Variants in PSG9 observed in about 807,000 individuals in gnomAD.
PSG9 encodes the protein pregnancy-specific beta-1-glycoprotein 9.
Under a neutral mutation model 41.9 loss-of-function variants are expected in PSG9, and 49 were observed. That is an observed-to-expected ratio of 1.17 (90% confidence interval 0.93 to 1.48). The LOEUF (loss-of-function observed/expected upper bound fraction) is 1.48. Ranked by LOEUF, PSG9 falls within the 40% of genes most tolerant of loss-of-function variation. The pLI is 0.00. For synonymous variants in PSG9, 263 were observed against 196.8 expected (o/e 1.34, Z -2.82); for missense variants, 641 against 520.3 (o/e 1.23, Z -2.26).
At chr19:43,266,544 G>A (rs561797636) in intron 2 of PSG9, among the ~76,000 whole-genome samples, 1 of 152,166 alleles carries the variant, frequency 6.6e-6, no homozygotes, top group South Asian at 2.1e-4. Context: ...GGGAAACACA[G>A]GATTTCACGT....
In PSG9 at chr19:43,267,966, A is replaced by C. The variant is rs1410711988; in HGVS notation, c.248T>G (p.Ile83Arg). ...TDLYHYIISYIVDGKIIIYGP... is the reference protein window; with the variant it reads ...TDLYHYIISYRVDGKIIIYGP... ...ATATATAATTATTTTACCATCAACTATATACGATATAATGTAATGGTAGAG... is the reference window on the plus strand; with the variant it reads ...ATATATAATTATTTTACCATCAACTCTATACGATATAATGTAATGGTAGAG... The change falls in exon 2 of 6, where the codon ATA becomes AGA. Residue 83 changes from isoleucine (I) to arginine (R), a missense_variant. Ile to Arg is a moderately conservative substitution (Grantham distance 97, BLOSUM62 -3). Coordinates refer to ENST00000270077, the MANE Select transcript of PSG9 (RefSeq NM_002784.5). The C allele has an allele frequency of 1.2e-6, 2 of 1,613,472 alleles. No individual in the cohort carries two copies. The highest frequency in any genetic ancestry group is 1.7e-6 in the Non-Finnish European group (2 of 1,179,674).
intron 5 of PSG9, 82 bp from the exon 6 acceptor site, chr19:43,253,728 A>G: frequency 2.3e-6 from 2 of 853,684 alleles, no homozygotes; most frequent in Non-Finnish European, 3.6e-6. Flanking sequence ...ACAGGCTCCC[A>G]GGAAGGGTGT....
chr19:43,262,482 G>A (rs1391065344), intron 2 of PSG9, among the ~76,000 whole-genome samples: 1 of 152,176 alleles, frequency 6.6e-6, no homozygotes, highest in Admixed American at 6.5e-5. Context: ...CTCACTTGGA[G>A]CATGCAGTGC....
chr19:43,265,257 A>G (rs977000816), intron 2 of PSG9, among the ~76,000 whole-genome samples: 2 of 152,182 alleles, frequency 1.3e-5, no homozygotes, highest in East Asian at 3.8e-4. Flanking sequence ...GAATTCTGCT[A>G]AAATGTTGTC....
Position 43,262,082 on chromosome 19 carries a change from C to G in PSG9, c.487G>C (p.Glu163Gln). The change falls in exon 3 of 6, where the codon GAG becomes CAG. Residue 163 changes from glutamate to glutamine, a missense_variant. Coordinates refer to ENST00000270077, the MANE Select transcript of PSG9 (RefSeq NM_002784.5). ...GGATCACAGATTAAGCGCACAGCCT[C>G]CATGGCCTCCCTGGGGTTTAAGTTG... ...SSNLNPREAMEAVRLICDPET... is the reference protein window; with the variant it reads ...SSNLNPREAMQAVRLICDPET... 1.9e-6 allele frequency: 3 copies of G among 1,613,990 alleles called. No individual in the cohort carries two copies. Among genetic ancestry groups the G allele is most frequent in the Non-Finnish European group, 2.5e-6 (3 of 1,179,902 alleles).
Position 43,267,943 on chromosome 19 carries a change from A to G in PSG9, c.271T>C (p.Tyr91His), listed in dbSNP as rs1353409201. 2 of 1,613,526 alleles carry G rather than the reference A, an allele frequency of 1.2e-6. No homozygotes were observed. Among genetic ancestry groups the G allele is most frequent in the Admixed American group, 1.7e-5 (1 of 59,978 alleles). The change falls in exon 2 of 6, where the codon TAT (tyrosine) becomes CAT (histidine). Residue 91 changes from tyrosine to histidine, a missense_variant. By Grantham distance (83) the Tyr-to-His change is moderately conservative (BLOSUM62 2). Transcript: ENST00000270077. ...TCTCTTCCACTGTATGCAGGCCCAT[A>G]TATAATTATTTTACCATCAACTATA... is the stretch of plus-strand genomic sequence containing the variant. ...SYIVDGKIII[Y>H]GPAYSGRETV...
At position 43,258,365 on chromosome 19, in the gene PSG9, T is replaced by C. The variant is rs1431181915; in HGVS notation, c.1080A>G (p.Pro360=). 4 of 1,592,740 alleles carry C rather than the reference T, an allele frequency of 2.5e-6. No homozygotes were observed. Among genetic ancestry groups the C allele is most frequent in the African/African-American group, 1.4e-5 (1 of 70,828 alleles). The part of the protein sequence containing the change: ...LDLSCFTESN[P]PAEYFWTING... ...TAATTGTCCAAAAATACTCTGCCGG[T>C]GGGTTAGATTCCGTGAAGCAGGACA... The change falls in exon 5 of 6, where the codon CCA becomes CCG. Residue 360 remains proline, a synonymous_variant. Transcript: ENST00000270077.
At chr19:43,268,887 A>G (rs541137701) in intron 1 of PSG9, among the ~76,000 whole-genome samples, 1 of 152,222 alleles carries the variant, frequency 6.6e-6, no homozygotes, top group African/African-American at 2.4e-5. Context: ...AGGAAAACAG[A>G]ACACTTAAGA....
At chr19:43,269,274 C>A in intron 1 of PSG9, 94 bp downstream of exon 1, 2 of 1,595,352 alleles carry the variant, frequency 1.3e-6, no homozygotes, top group Non-Finnish European at 1.7e-6. Flanking sequence ...TAAGAGCTGG[C>A]TTCTTTTATT....
chr19:43,262,828 C>A (rs544576035), intron 2 of PSG9, among the ~76,000 whole-genome samples: 24 of 152,244 alleles, frequency 1.6e-4, no homozygotes, highest in African/African-American at 5.5e-4. Context: ...AGTGAAGGGG[C>A]CAGGCAGTAG....
chr19:43,258,443 G>A lies in PSG9; in HGVS notation c.1002C>T (p.Leu334=). Reference sequence around the variant, plus strand: ...AGGTGAATGAAGGGTAAATTCTGGGGAGGTCTGGACCATCTGGAGGAAAGA... The same window carrying A: ...AGGTGAATGAAGGGTAAATTCTGGGAAGGTCTGGACCATCTGGAGGAAAGA... ...VILNVLYGPD[L]PRIYPSFTYY... is the part of the protein sequence containing the mutation. The change falls in exon 5 of 6, where the codon CTC becomes CTT. Residue 334 remains leucine (L), a synonymous_variant. Coordinates refer to ENST00000270077, the MANE Select transcript of PSG9 (RefSeq NM_002784.5). 3.8e-6 allele frequency: 6 copies of A among 1,579,046 alleles called. 1 individual carries two copies. In the Middle Eastern group the frequency reaches 5.1e-4, roughly 134 times the overall value.
At chr19:43,269,266 A>G (rs1969134121) in intron 1 of PSG9, 102 bp downstream of exon 1, 4 of 1,583,522 alleles carry the variant, frequency 2.5e-6, no homozygotes, top group South Asian at 1.1e-5. Flanking sequence ...AGCCTCCCTA[A>G]GAGCTGGCTT....
At chr19:43,267,436 G>T (rs778925309) in intron 2 of PSG9, among the ~76,000 whole-genome samples, 7 of 152,114 alleles carry the variant, frequency 4.6e-5, no homozygotes, top group Non-Finnish European at 8.8e-5. Flanking sequence ...AGTATCTCAG[G>T]GGTCCCCTCA....
At chr19:43,267,123 C>G (rs1327950124) in intron 2 of PSG9, among the ~76,000 whole-genome samples, 1 of 152,146 alleles carries the variant, frequency 6.6e-6, no homozygotes, top group Non-Finnish European at 1.5e-5. Flanking sequence ...TTTCTATGGA[C>G]TGTCCTAAGC....
intron 5 of PSG9, among the ~76,000 whole-genome samples, chr19:43,255,326 A>G (rs530943439): frequency 1.4e-5 from 2 of 146,432 alleles, no homozygotes; most frequent in African/African-American, 5.2e-5. Flanking sequence ...ATATTTTTTC[A>G]TAATGAAAAC....
Position 43,262,527 on chromosome 19 carries a change from C to A in PSG9, c.431-389G>T, listed in dbSNP as rs146799818. Among the ~76,000 whole-genome samples the A allele has an allele frequency of 4.7e-3, 711 of 152,286 alleles. 6 individuals are homozygous for A. Among genetic ancestry groups the A allele is most frequent in the African/African-American group, 0.017 (695 of 41,548 alleles). ...CTTAGTTTCAGTCTTACTTTGCCCCCTGAGGTATGTTTTCTCTGCAGCTTC... is the reference window on the plus strand; with the variant it reads ...CTTAGTTTCAGTCTTACTTTGCCCCATGAGGTATGTTTTCTCTGCAGCTTC... On this transcript the variant is annotated intron_variant, in intron 2 of 5. Coordinates refer to ENST00000270077, the MANE Select transcript of PSG9 (RefSeq NM_002784.5).
At chr19:43,256,126 A>G (rs1046809244) in intron 5 of PSG9, among the ~76,000 whole-genome samples, 10 of 146,888 alleles carry the variant, frequency 6.8e-5, no homozygotes, top group African/African-American at 2.6e-4. Context: ...CAGTGTTCTC[A>G]CCAAAGGATA....
rs761454069 is a variant in PSG9 at position 43,258,835 on chromosome 19, C to T, written c.988+22G>A. On this transcript the variant is annotated intron_variant, in intron 4 of 5. Coordinates refer to ENST00000270077, the MANE Select transcript of PSG9 (RefSeq NM_002784.5). ...GGACTTAAGCTGGTGTCCTGGCCCACAGAGGAACAAAAGATACTCACAGAG... is the reference window on the plus strand; with the variant it reads ...GGACTTAAGCTGGTGTCCTGGCCCATAGAGGAACAAAAGATACTCACAGAG... The T allele has an allele frequency of 5.0e-6, 8 of 1,585,696 alleles. 1 individual carries two copies. The South Asian group carries it at 7.8e-5, about 16-fold the overall frequency.
chr19:43,263,550 G>C (rs1173205328), intron 2 of PSG9, among the ~76,000 whole-genome samples: 1 of 150,762 alleles, frequency 6.6e-6, no homozygotes, highest in Non-Finnish European at 1.5e-5. Flanking sequence ...ATAAAAAGTT[G>C]TCAGGAGTTT....
Sources: gnomAD v4.1 joint callset for allele counts (sites outside exome capture counted in the v4.1 genomes callset) on GRCh38, gnomAD v4.1.1 for gene constraint, MANE v1.5 for transcripts, NCBI Gene and HGNC (gene_info 2026-07-23, HGNC 2026-07-21) for gene names.